INO80: variants seen among roughly 807,000 people sequenced by gnomAD.
The protein encoded by INO80 is INO80 complex ATPase subunit.
In INO80, 20 loss-of-function variants were observed where a neutral mutation model predicts 203.4. The ratio of observed to expected loss-of-function variants is 0.10; its 90% confidence interval spans 0.07 to 0.14. The LOEUF (loss-of-function observed/expected upper bound fraction) is 0.14, where lower values mean the gene tolerates loss of function less well. INO80 is among the 10% of genes least tolerant of loss of function. INO80 has a pLI of 1.00. For synonymous variants in INO80, 726 were observed against 685.2 expected, an observed-to-expected ratio of 1.06 and a Z score of -0.93; for missense variants, 1,419 against 1,914.4, an observed-to-expected ratio of 0.74 and a Z score of 4.83.
intron 11 of INO80, among the ~76,000 whole-genome samples, chr15:41,072,787 CTT>C (rs111334701): frequency 1.4e-5 from 2 of 145,918 alleles, no homozygotes; most frequent in Admixed American, 6.9e-5. Context: ...TGGTCTTTTT[CTT>C]TTTTTTTTTG....
At chr15:41,002,876 G>A (rs1382287897) in intron 28 of INO80, among the ~76,000 whole-genome samples, 2 of 152,172 alleles carry the variant, frequency 1.3e-5, no homozygotes, top group East Asian at 1.9e-4. Flanking sequence ...AGGCCGAGGC[G>A]GGTGGATCAT....
chr15:41,014,124 A>C (rs913600523), intron 27 of INO80, among the ~76,000 whole-genome samples: 1 of 152,196 alleles, frequency 6.6e-6, no homozygotes, highest in Non-Finnish European at 1.5e-5. Context: ...GACTATAATA[A>C]AGGCTGTATC....
At position 40,983,896 on chromosome 15, in the gene INO80, G is replaced by A; in HGVS notation, c.4103C>T (p.Thr1368Ile). 6.2e-7 allele frequency: 1 copy of A among 1,613,690 alleles called. No homozygotes were observed. The highest frequency in any genetic ancestry group is 8.5e-7 in the Non-Finnish European group (1 of 1,180,014). Residue 1368 changes from threonine to isoleucine, a missense_variant, in exon 34 of 36, where the codon ACT (threonine) becomes ATT (isoleucine). By Grantham distance (89) the Thr-to-Ile change is moderately conservative. This residue lies in a region of INO80 where 214 missense variants were observed against 248.9 expected (regional missense o/e 0.86). Coordinates refer to ENST00000648947, the MANE Select transcript of INO80 (RefSeq NM_017553.3). ...SEISISSELH[T>I]GSIPLDESSS... ...GCTCTCGTCCAGGGGAATGGAGCCA[G>A]TGTGCAGCTCACTGCTGATGGAGAT... is the stretch of plus-strand genomic sequence containing the variant.
chr15:40,981,754 C>T (rs1893840977), intron 35 of INO80, among the ~76,000 whole-genome samples: 1 of 152,326 alleles, frequency 6.6e-6, no homozygotes, highest in Admixed American at 6.5e-5. Context: ...GTCACAACAG[C>T]CACTTTTTTC....
chr15:41,107,194 T>A (rs79832008), intron 1 of INO80, among the ~76,000 whole-genome samples: 4 of 152,186 alleles, frequency 2.6e-5, no homozygotes, highest in African/African-American at 9.7e-5. Flanking sequence ...TTAATTTGCA[T>A]ACATTAAAGT....
intron 1 of INO80, among the ~76,000 whole-genome samples, chr15:41,115,002 T>C (rs1011512188): frequency 1.5e-4 from 23 of 152,210 alleles, no homozygotes; most frequent in African/African-American, 5.5e-4. Context: ...TTATACGCTT[T>C]AGAAAGCGGA....
intron 29 of INO80, among the ~76,000 whole-genome samples, chr15:40,988,994 G>A (rs936272114): frequency 3.4e-5 from 5 of 146,344 alleles, no homozygotes; most frequent in South Asian, 2.2e-4. Flanking sequence ...CAGCCTGGGC[G>A]ACACAGTGAG....
Position 41,056,637 on chromosome 15 carries a change from C to T in INO80, c.2055G>A (p.Gln685=), listed in dbSNP as rs144290377. The change falls in exon 17 of 36, where the codon CAG becomes CAA. Residue 685 remains glutamine, a synonymous_variant. Transcript: ENST00000648947. ...TAGTGCCTACCTCTGCCATGGTGTT[C>T]TGAATTGGGGTCCCGGTTAGCAAAA... ...NRLLLTGTPI[Q]NTMAELWALL... is the part of the protein sequence containing the mutation. The T allele has an allele frequency of 3.1e-6, 5 of 1,613,612 alleles. No individual in the cohort carries two copies. The African/African-American group carries it at 6.7e-5, about 22-fold the overall frequency.
At position 41,031,463 on chromosome 15, in the gene INO80, G is replaced by C. The variant is rs908311302; in HGVS notation, c.2908-3727C>G. Among the ~76,000 whole-genome samples the C allele has an allele frequency of 2.3e-5, 3 of 129,512 alleles. No individual in the cohort carries two copies. In the Admixed American group the frequency reaches 2.5e-4, roughly 11 times the overall value. The allele number at this position is 129,512 out of a possible 152,430, so 85.0% of individuals were successfully genotyped here. On this transcript the variant is annotated intron_variant, in intron 24 of 35. Transcript: ENST00000648947. ...AGGAAAGGAGGGGAAGGAAAAGAGA[G>C]GGAAGGAGGGAGAGAAGGAGAGAGG...
Position 41,068,044 on chromosome 15 carries a change from T to C in INO80, c.1782+1526A>G, listed in dbSNP as rs529779202. ...TACTTCAACCTGAATTCTTTTCCTC[T>C]GAATTAATTAAATCGATGTTCACAT... On this transcript the variant is annotated intron_variant, in intron 14 of 35. Coordinates refer to ENST00000648947, the MANE Select transcript of INO80 (RefSeq NM_017553.3). Among the ~76,000 whole-genome samples the C allele has an allele frequency of 5.9e-5, 9 of 152,348 alleles. No individual in the cohort carries two copies. In the East Asian group the frequency reaches 1.7e-3, roughly 29 times the overall value.
At chr15:41,109,516 C>T (rs1184654028) in intron 1 of INO80, among the ~76,000 whole-genome samples, 1 of 152,090 alleles carries the variant, frequency 6.6e-6, no homozygotes, top group Non-Finnish European at 1.5e-5. Context: ...TGGCCAGGCA[C>T]AGTGGCTCAT....
chr15:41,103,886 C>G (rs966223282), intron 1 of INO80, among the ~76,000 whole-genome samples: 11 of 152,066 alleles, frequency 7.2e-5, no homozygotes, highest in African/African-American at 2.7e-4. Flanking sequence ...AACTTCCTAT[C>G]AGACCTGTCT....
At chr15:41,077,522 T>C (rs1268741798) in intron 9 of INO80, among the ~76,000 whole-genome samples, 2 of 152,226 alleles carry the variant, frequency 1.3e-5, no homozygotes, top group Non-Finnish European at 2.9e-5. Flanking sequence ...TTTGTCTTCA[T>C]GAATGTTCAT....
intron 7 of INO80, among the ~76,000 whole-genome samples, chr15:41,083,276 C>CAAA (rs1250245997): frequency 3.0e-5 from 2 of 66,990 alleles, no homozygotes; most frequent in Non-Finnish European, 6.2e-5. Flanking sequence ...GACTCCGTCT[C>CAAA]AAAAAAAAAA....
intron 25 of INO80, chr15:41,023,123 A>G (rs562433933): frequency 5.5e-6 from 2 of 360,516 alleles, no homozygotes; most frequent in Non-Finnish European, 5.4e-6. Context: ...AAAAAAGTTA[A>G]AAAAAGAAGG....
chr15:41,065,988 CTTTTT>C (rs1175524125), intron 14 of INO80, among the ~76,000 whole-genome samples: 1 of 127,268 alleles, frequency 7.9e-6, no homozygotes, highest in Non-Finnish European at 1.7e-5. Context: ...CTACATTGTA[CTTTTT>C]TTTTTTTTTT....
At chr15:41,009,108 A>G (rs2044094827) in intron 27 of INO80, among the ~76,000 whole-genome samples, 1 of 152,242 alleles carries the variant, frequency 6.6e-6, no homozygotes, top group Non-Finnish European at 1.5e-5. Flanking sequence ...CTGGGATTGC[A>G]GGCATCAGCC....
At chr15:41,048,136 T>C in intron 22 of INO80, 76 bp downstream of exon 22, 1 of 1,094,306 alleles carries the variant, frequency 9.1e-7, no homozygotes, top group Non-Finnish European at 1.4e-6. Context: ...TCGTTCTAAA[T>C]CAGTCTCTCA....
intron 4 of INO80, among the ~76,000 whole-genome samples, chr15:41,093,799 T>C (rs550150797): frequency 2.0e-5 from 3 of 152,154 alleles, no homozygotes; most frequent in Admixed American, 6.5e-5. Context: ...AAGCTGAGAT[T>C]GTGCCACCGC....
Sources: allele counts gnomAD v4.1 joint callset (sites outside exome capture counted in the v4.1 genomes callset), GRCh38; gene constraint gnomAD v4.1.1; regional missense constraint gnomAD v4.1.1; transcripts MANE v1.5; gene names NCBI Gene and HGNC (gene_info 2026-07-23, HGNC 2026-07-21).